NOL4L: variants seen among roughly 807,000 people sequenced by gnomAD.
NOL4L encodes nucleolar protein 4 like.
Under a neutral mutation model 64.5 loss-of-function variants are expected in NOL4L, and 7 were observed. That is an observed-to-expected ratio of 0.11 (90% CI 0.06 to 0.20). The LOEUF (loss-of-function observed/expected upper bound fraction) is 0.20. Among genes scored for constraint, NOL4L ranks in the 10% least tolerant of loss-of-function variants. The pLI, the probability that NOL4L is intolerant of heterozygous loss-of-function variation, is 1.00. For missense variants in NOL4L, 680 were observed against 967.1 expected, an observed-to-expected ratio of 0.70 and a Z score of 3.94; for synonymous variants, 413 against 401.0, an observed-to-expected ratio of 1.03 and a Z score of -0.36.
chr20:32,582,420 G>A (rs1244980173), intron 1 of NOL4L, among the ~76,000 whole-genome samples: 1 of 152,170 alleles, frequency 6.6e-6, no homozygotes, highest in Non-Finnish European at 1.5e-5. Context: ...GGCAGGACCT[G>A]GGGTCCAGGC....
chr20:32,481,496 G>GC (rs999237932), intron 4 of NOL4L, among the ~76,000 whole-genome samples: 9 of 152,270 alleles, frequency 5.9e-5, no homozygotes, highest in African/African-American at 2.2e-4. Flanking sequence ...CAGGGTAGGG[G>GC]CCGCAGGAAA....
intron 5 of NOL4L, among the ~76,000 whole-genome samples, chr20:32,468,089 C>T (rs2014704578): frequency 1.3e-5 from 2 of 152,294 alleles, no homozygotes; most frequent in South Asian, 4.1e-4. Flanking sequence ...GGCCACAGCC[C>T]CCAGGCCATG....
At chr20:32,491,087 A>G (rs946004656) in intron 4 of NOL4L, among the ~76,000 whole-genome samples, 2 of 152,230 alleles carry the variant, frequency 1.3e-5, no homozygotes, top group African/African-American at 2.4e-5. Flanking sequence ...TGACAAGTGC[A>G]GGTGACATGG....
intron 1 of NOL4L, among the ~76,000 whole-genome samples, chr20:32,552,913 G>A (rs1045671460): frequency 6.6e-6 from 1 of 152,068 alleles, no homozygotes; most frequent in Non-Finnish European, 1.5e-5. Flanking sequence ...CTGAGGCAGG[G>A]GAATCGCTTG....
intron 3 of NOL4L, among the ~76,000 whole-genome samples, chr20:32,513,299 A>C (rs1446063796): frequency 6.6e-6 from 1 of 152,214 alleles, no homozygotes; most frequent in African/African-American, 2.4e-5. Flanking sequence ...CCATAGCCCA[A>C]AAGGGTCCCT....
chr20:32,519,473 C>CAAAACACCCA (rs11167171), intron 3 of NOL4L: 79,328 of 151,790 alleles, frequency 0.52, 25,360 homozygotes, highest in East Asian at 0.99. Flanking sequence ...CATCCTCGGG[C>CAAAACACCCA]CTGACTTCAG....
intron 4 of NOL4L, among the ~76,000 whole-genome samples, chr20:32,494,718 C>A (rs2016617121): frequency 6.6e-6 from 1 of 152,196 alleles, no homozygotes; most frequent in African/African-American, 2.4e-5. Flanking sequence ...AGCAATGAGA[C>A]ATCAACACAA....
intron 3 of NOL4L, among the ~76,000 whole-genome samples, chr20:32,518,371 T>G (rs1278769467): frequency 6.6e-6 from 1 of 152,162 alleles, no homozygotes; most frequent in Non-Finnish European, 1.5e-5. Flanking sequence ...GGGTGGGGTG[T>G]GGTGGTGGCA....
chr20:32,562,012 T>C (rs1376059121), intron 1 of NOL4L, among the ~76,000 whole-genome samples: 1 of 151,738 alleles, frequency 6.6e-6, no homozygotes, highest in African/African-American at 2.4e-5. Flanking sequence ...AATAAATAAA[T>C]AAAATATCTA....
At chr20:32,531,367 CTTT>C (rs531522420) in intron 1 of NOL4L, among the ~76,000 whole-genome samples, 6 of 147,002 alleles carry the variant, frequency 4.1e-5, no homozygotes, top group Non-Finnish European at 9.0e-5. Flanking sequence ...ATTTCTATAC[CTTT>C]TTTTTTTTTC....
At chr20:32,537,780 CTTTTTTTT>C (rs5841107) in intron 1 of NOL4L, among the ~76,000 whole-genome samples, 1 of 143,354 alleles carries the variant, frequency 7.0e-6, no homozygotes, top group South Asian at 2.2e-4. Context: ...ACCCGCGTTT[CTTTTTTTT>C]TTTTTTTGGA....
intron 4 of NOL4L, among the ~76,000 whole-genome samples, chr20:32,496,536 A>G (rs1418568952): frequency 1.3e-5 from 2 of 151,928 alleles, no homozygotes; most frequent in Non-Finnish European, 2.9e-5. Flanking sequence ...TGAGTGAAGG[A>G]AGGAAGAAAT....
intron 1 of NOL4L, among the ~76,000 whole-genome samples, chr20:32,541,048 C>CACACACA (rs1555806421): frequency 6.6e-6 from 1 of 150,452 alleles, no homozygotes; most frequent in Admixed American, 6.6e-5. Context: ...CACACACACA[C>CACACACA]TATTCCCTCT....
chr20:32,461,403 C>T lies in NOL4L; in HGVS notation c.842-5008G>A, dbSNP rs566033916. ...CTCCCACCCTGCTCTGGCACACTGACCCCTCTACCTTTCTTTTCTTTTTTT... is the reference window on the plus strand; with the variant it reads ...CTCCCACCCTGCTCTGGCACACTGATCCCTCTACCTTTCTTTTCTTTTTTT... On this transcript the variant is annotated intron_variant, in intron 5 of 10. Coordinates refer to ENST00000621426, the MANE Select transcript of NOL4L (RefSeq NM_001256798.2). Among the ~76,000 whole-genome samples, 38 of 149,208 alleles carry T rather than the reference C, an allele frequency of 2.5e-4. 1 individual carries two copies. The South Asian group carries it at 7.9e-3, about 31-fold the overall frequency.
In NOL4L at chr20:32,444,234, A is replaced by T. The variant is rs1189840393; in HGVS notation, c.*3362T>A. ...AAAAGGATTGAGCTGTTTAGCTCAG[A>T]AACAACAAAAACAAAGTTTCTAAAG... On this transcript the variant is annotated 3_prime_UTR_variant, in exon 11 of 11. Transcript: ENST00000621426. 1 of 152,238 alleles carries T rather than the reference A, an allele frequency of 6.6e-6. No individual in the cohort carries two copies. Among genetic ancestry groups the T allele is most frequent in the Non-Finnish European group, 1.5e-5 (1 of 68,046 alleles). The allele number at this position is 152,238 out of a possible 1,614,324, so 9.4% of individuals were successfully genotyped here. A position where few individuals can be genotyped will look rare whatever the true frequency, so the allele number is the denominator to read the frequency against.
intron 4 of NOL4L, among the ~76,000 whole-genome samples, chr20:32,503,633 A>C (rs1238960982): frequency 6.6e-6 from 1 of 152,226 alleles, no homozygotes; most frequent in Non-Finnish European, 1.5e-5. Flanking sequence ...GTCTAGAGAA[A>C]TGGCTATTCC....
At chr20:32,537,408 G>A (rs1393821783) in intron 1 of NOL4L, among the ~76,000 whole-genome samples, 1 of 152,198 alleles carries the variant, frequency 6.6e-6, no homozygotes, top group African/African-American at 2.4e-5. Context: ...CTGGCGTCGC[G>A]GTGCACCTAC....
At chr20:32,476,196 G>C (rs62207974) in intron 4 of NOL4L, among the ~76,000 whole-genome samples, 1 of 75,820 alleles carries the variant, frequency 1.3e-5, no homozygotes, top group Admixed American at 1.8e-4. Flanking sequence ...CACACCCGGA[G>C]GGACACACAC....
chr20:32,467,647 A>T (rs2014667738), intron 5 of NOL4L, among the ~76,000 whole-genome samples: 1 of 152,174 alleles, frequency 6.6e-6, no homozygotes, highest in Admixed American at 6.5e-5. Flanking sequence ...GACCGCCCAC[A>T]TCCAGTCCCA....
Sources: gnomAD v4.1 joint callset for allele counts (sites outside exome capture counted in the v4.1 genomes callset) on GRCh38, gnomAD v4.1.1 for gene constraint, MANE v1.5 for transcripts, NCBI Gene and HGNC (gene_info 2026-07-23, HGNC 2026-07-21) for gene names.